The following ADGRL2 variants were observed in gnomAD, a reference collection of about 807,000 sequenced individuals.
ADGRL2 encodes calcium-independent alpha-latrotoxin receptor 2.
A neutral mutation model predicts 157.4 loss-of-function variants in ADGRL2; 44 were observed. The ratio of observed to expected loss-of-function variants is 0.28; its 90% CI spans 0.22 to 0.36. ADGRL2 has a LOEUF of 0.36. Ranked by LOEUF, ADGRL2 falls within the 10% of genes least tolerant of loss-of-function variation. The pLI, the probability that ADGRL2 is intolerant of heterozygous loss-of-function variation, is 1.00. For missense variants in ADGRL2, 1,510 were observed against 1,768.9 expected, an observed-to-expected ratio of 0.85 and a Z score of 2.63; for synonymous variants, 585 against 624.7, an observed-to-expected ratio of 0.94 and a Z score of 0.95.
At chr1:81,893,169 T>C (rs1054507895) in intron 2 of ADGRL2, among the ~76,000 whole-genome samples, 1 of 152,148 alleles carries the variant, frequency 6.6e-6, no homozygotes, top group African/African-American at 2.4e-5. Flanking sequence ...GAGTTCCTGC[T>C]TCTACATAGT....
chr1:81,658,100 C>CT (rs1311492756), intron 3 of ADGRL2, among the ~76,000 whole-genome samples: 1 of 152,116 alleles, frequency 6.6e-6, no homozygotes, highest in South Asian at 2.1e-4. Context: ...TAAACATTAT[C>CT]TTTTTTGCGG....
At chr1:81,721,711 G>T in intron 1 of ADGRL2, 1 of 1,382,286 alleles carries the variant, frequency 7.2e-7, no homozygotes, top group South Asian at 1.2e-5. Context: ...CCCGCAAAGT[G>T]AACGAGCAGG....
intron 2 of ADGRL2, among the ~76,000 whole-genome samples, chr1:81,903,851 T>A (rs1572027758): frequency 7.8e-6 from 1 of 128,246 alleles, no homozygotes; most frequent in Admixed American, 7.6e-5. Context: ...ACACACATAT[T>A]TGGTTGGAAA....
chr1:81,354,856 T>C (rs1663163630), intron 1 of ADGRL2, among the ~76,000 whole-genome samples: 2 of 152,198 alleles, frequency 1.3e-5, no homozygotes, highest in Non-Finnish European at 2.9e-5. Flanking sequence ...CTGATTTATT[T>C]AACTAATTAA....
chr1:81,943,069 T>A lies in ADGRL2; in HGVS notation c.510T>A (p.Ala170=). ...AGAWCKDPLQ[A]ADKIYFMPWT... ...CTTGGTGCAAGGACCCTCTTCAGGC[T>A]GCAGATAAAATTTATTTCATGCCCT... Residue 170 remains alanine, a synonymous_variant, in exon 6 of 24, where the codon GCT becomes GCA. Coordinates refer to ENST00000686636, the MANE Select transcript of ADGRL2 (RefSeq NM_001366006.2). This position sits in a 1 kb window ranked among gnomAD's most constrained non-coding sequence, Gnocchi z 5.6. 3 of 1,613,482 alleles carry A rather than the reference T, an allele frequency of 1.9e-6. No homozygotes were observed. Among genetic ancestry groups the A allele is most frequent in the Non-Finnish European group, 2.5e-6 (3 of 1,179,558 alleles).
intron 2 of ADGRL2, among the ~76,000 whole-genome samples, chr1:81,522,826 A>G (rs1485032583): frequency 6.6e-6 from 1 of 152,212 alleles, no homozygotes; most frequent in African/African-American, 2.4e-5. Flanking sequence ...ATCCAGTCCA[A>G]TAAATTGAGT....
intron 1 of ADGRL2, among the ~76,000 whole-genome samples, chr1:81,360,583 A>T (rs915014295): frequency 6.6e-6 from 1 of 151,942 alleles, no homozygotes; most frequent in Non-Finnish European, 1.5e-5. Flanking sequence ...GTATCTTTTT[A>T]AAAATGTGCT....
chr1:81,885,726 A>G (rs993151720), intron 2 of ADGRL2, among the ~76,000 whole-genome samples: 9 of 152,178 alleles, frequency 5.9e-5, no homozygotes, highest in African/African-American at 2.2e-4. Context: ...AGTTACTTTG[A>G]CAACCAGATT....
chr1:81,797,003 G>T (rs1217935488), upstream of ADGRL2, among the ~76,000 whole-genome samples: 1 of 152,154 alleles, frequency 6.6e-6, no homozygotes, highest in African/African-American at 2.4e-5. Flanking sequence ...CAGCCTACAT[G>T]CATGGCAAGG....
chr1:81,478,473 C>G (rs535299863), intron 2 of ADGRL2, among the ~76,000 whole-genome samples: 2 of 152,280 alleles, frequency 1.3e-5, no homozygotes, highest in East Asian at 1.9e-4. Context: ...TGGAGCTTAT[C>G]GAGACATGTG....
chr1:81,717,365 T>A (rs1280622720), intron 1 of ADGRL2, among the ~76,000 whole-genome samples: 1 of 152,208 alleles, frequency 6.6e-6, no homozygotes, highest in African/African-American at 2.4e-5. Context: ...CTATGCATCA[T>A]CATGCTTTGA....
At chr1:81,553,697 G>A (rs960814492) in intron 2 of ADGRL2, among the ~76,000 whole-genome samples, 2 of 152,166 alleles carry the variant, frequency 1.3e-5, no homozygotes, top group Non-Finnish European at 2.9e-5. Flanking sequence ...CATAAATTCT[G>A]TAAGAATCAA....
intron 3 of ADGRL2, among the ~76,000 whole-genome samples, chr1:81,643,420 C>A (rs2082258074): frequency 6.6e-6 from 1 of 152,176 alleles, no homozygotes; most frequent in Non-Finnish European, 1.5e-5. Context: ...TCAAGCAATT[C>A]TTCTGCCTCA....
chr1:81,819,061 ATGT>A (rs1236567097), intron 1 of ADGRL2, among the ~76,000 whole-genome samples: 3 of 152,170 alleles, frequency 2.0e-5, no homozygotes, highest in Non-Finnish European at 4.4e-5. Context: ...AGGCCACAAA[ATGT>A]TGTTGATATT....
At chr1:81,673,189 A>G (rs954730671) in intron 3 of ADGRL2, among the ~76,000 whole-genome samples, 5 of 152,324 alleles carry the variant, frequency 3.3e-5, no homozygotes, top group Admixed American at 1.3e-4. Context: ...ACACATACCT[A>G]CCTTTTCATG....
At chr1:81,434,006 A>G (rs1294296472) in intron 1 of ADGRL2, among the ~76,000 whole-genome samples, 3 of 152,136 alleles carry the variant, frequency 2.0e-5, no homozygotes, top group Non-Finnish European at 2.9e-5. Flanking sequence ...TTTTTAGTGG[A>G]AGCTCAGGGT....
intron 2 of ADGRL2, among the ~76,000 whole-genome samples, chr1:81,449,309 T>C (rs2077662552): frequency 6.6e-6 from 1 of 152,222 alleles, no homozygotes; most frequent in Non-Finnish European, 1.5e-5. Context: ...TATGGAATTA[T>C]ATTATCCAGG....
chr1:81,680,121 C>T (rs1407276322), intron 3 of ADGRL2, among the ~76,000 whole-genome samples: 1 of 152,164 alleles, frequency 6.6e-6, no homozygotes, highest in African/African-American at 2.4e-5. Flanking sequence ...GCACTGTTCC[C>T]TTGGGCTCCT....
At chr1:81,936,319 A>C (rs376738629) in intron 3 of ADGRL2, among the ~76,000 whole-genome samples, 3 of 151,896 alleles carry the variant, frequency 2.0e-5, no homozygotes, top group Non-Finnish European at 4.4e-5. Flanking sequence ...GTTTCTGTTT[A>C]GTTATAGGAC....
Sources: gnomAD v4.1 joint callset for allele counts (sites outside exome capture counted in the v4.1 genomes callset) on GRCh38, gnomAD v4.1.1 for gene constraint, Gnocchi (gnomAD v3.1) non-coding constraint, MANE v1.5 for transcripts, NCBI Gene and HGNC (gene_info 2026-07-23, HGNC 2026-07-21) for gene names.